STIM2: variants seen among roughly 807,000 people sequenced by gnomAD.
STIM2 encodes the protein stromal interaction molecule 2.
A neutral mutation model predicts 85.8 loss-of-function variants in STIM2; 31 were observed. That is an observed-to-expected ratio of 0.36 (90% CI 0.27 to 0.49). The LOEUF (loss-of-function observed/expected upper bound fraction) is 0.49, where lower values mean the gene tolerates loss of function less well. STIM2 is among the 20% of genes least tolerant of loss of function. The probability of loss-of-function intolerance (pLI) is 0.98; values close to 1 mark genes in which losing one functional copy is unlikely to be tolerated. For synonymous variants in STIM2, 356 were observed against 331.1 expected (o/e 1.08, Z -0.82); for missense variants, 841 against 927.6 (o/e 0.91, Z 1.21).
In STIM2 at chr4:26,922,027, A is replaced by C. The variant is rs139888132; in HGVS notation, c.282+2393A>C. Among the ~76,000 whole-genome samples the C allele has an allele frequency of 2.7e-3, 407 of 152,320 alleles. 2 individuals are homozygous for C. The highest frequency in any genetic ancestry group is 9.5e-3 in the African/African-American group (395 of 41,566). On this transcript the variant is annotated intron_variant, in intron 2 of 11. Coordinates refer to ENST00000467087, the MANE Select transcript of STIM2 (RefSeq NM_020860.4). ...TTCTATCTTACATAGCTTCCAACTT[A>C]AAAAGTATTTGAACTGTATATTCTG...
chr4:26,987,410 G>T (rs1051726063), intron 3 of STIM2, among the ~76,000 whole-genome samples: 1 of 152,136 alleles, frequency 6.6e-6, no homozygotes, highest in Non-Finnish European at 1.5e-5. Flanking sequence ...AGCAGCATGG[G>T]TGAGGAGTAA....
chr4:27,007,031 G>A (rs1202300820), intron 7 of STIM2, among the ~76,000 whole-genome samples: 1 of 152,206 alleles, frequency 6.6e-6, no homozygotes, highest in African/African-American at 2.4e-5. Context: ...TAGTGAAGGA[G>A]CTACAGTAGG....
intron 2 of STIM2, among the ~76,000 whole-genome samples, chr4:26,935,580 G>A (rs961024343): frequency 2.0e-5 from 3 of 152,126 alleles, no homozygotes; most frequent in Non-Finnish European, 2.9e-5. Context: ...TGTTAGAAAT[G>A]CAAATTCTTG....
intron 3 of STIM2, among the ~76,000 whole-genome samples, chr4:26,962,402 A>T (rs976286335): frequency 7.2e-5 from 11 of 152,220 alleles, no homozygotes; most frequent in Admixed American, 7.2e-4. Context: ...TAAAATGAAC[A>T]GACTAAGCTA....
intron 3 of STIM2, among the ~76,000 whole-genome samples, chr4:26,963,897 A>G (rs752761305): frequency 2.0e-5 from 3 of 152,308 alleles, no homozygotes; most frequent in East Asian, 1.9e-4. Flanking sequence ...ATAATAATAA[A>G]CACTTTAAAA....
intron 10 of STIM2, among the ~76,000 whole-genome samples, chr4:27,016,010 T>G (rs1728720339): frequency 6.6e-6 from 1 of 152,092 alleles, no homozygotes; most frequent in Non-Finnish European, 1.5e-5. Context: ...CTTTTTATAG[T>G]CTTTTGATCT....
chr4:26,880,667 G>GTAAATATATATATAAATATATATA (rs1256792988), intron 1 of STIM2, among the ~76,000 whole-genome samples: 1 of 144,546 alleles, frequency 6.9e-6, no homozygotes, highest in African/African-American at 2.5e-5. Flanking sequence ...AAATATATAT[G>GTAAATATATATATAAATATATATA]TAAATATATA....
At chr4:26,989,790 A>G (rs1449303227) in intron 3 of STIM2, among the ~76,000 whole-genome samples, 1 of 152,200 alleles carries the variant, frequency 6.6e-6, no homozygotes, top group Admixed American at 6.5e-5. Context: ...TCAACCTACA[A>G]AAGGCAGTAG....
At chr4:26,990,242 C>G (rs367725735) in intron 3 of STIM2, among the ~76,000 whole-genome samples, 1 of 152,104 alleles carries the variant, frequency 6.6e-6, no homozygotes, top group South Asian at 2.1e-4. Context: ...ATCATGGTAC[C>G]GGCATAAAAA....
chr4:26,882,459 TTTTG>T (rs1723050148), intron 1 of STIM2, among the ~76,000 whole-genome samples: 1 of 151,622 alleles, frequency 6.6e-6, no homozygotes, highest in South Asian at 2.1e-4. Context: ...CTTTCTTTTT[TTTTG>T]TTTTTGTTTT....
intron 1 of STIM2, among the ~76,000 whole-genome samples, chr4:26,887,598 G>A (rs1310476357): frequency 6.6e-6 from 1 of 152,128 alleles, no homozygotes; most frequent in African/African-American, 2.4e-5. Flanking sequence ...GGTTCTAGAT[G>A]TATCCTTTGA....
chr4:26,997,949 T>C (rs1041674036), intron 4 of STIM2, among the ~76,000 whole-genome samples: 1 of 152,212 alleles, frequency 6.6e-6, no homozygotes, highest in African/African-American at 2.4e-5. Flanking sequence ...ATACAAAATG[T>C]AGTGTTTCAA....
chr4:26,986,256 A>G (rs1292451859), intron 3 of STIM2, among the ~76,000 whole-genome samples: 1 of 152,222 alleles, frequency 6.6e-6, no homozygotes, highest in Non-Finnish European at 1.5e-5. Context: ...CCAAGTGCTC[A>G]CAAAATGTTT....
At chr4:26,866,960 G>A (rs1055143959) in intron 1 of STIM2, among the ~76,000 whole-genome samples, 2 of 152,184 alleles carry the variant, frequency 1.3e-5, no homozygotes, top group African/African-American at 2.4e-5. Flanking sequence ...GAGGTGAGAG[G>A]CATTGTGGTT....
chr4:26,977,831 G>A (rs947456520), intron 3 of STIM2, among the ~76,000 whole-genome samples: 55 of 152,160 alleles, frequency 3.6e-4, no homozygotes, highest in African/African-American at 1.3e-3. Flanking sequence ...AGGACTGAGT[G>A]CTGTGAGGTC....
At chr4:27,002,873 A>AC in intron 6 of STIM2, 54 bp from the exon 7 acceptor site, 1 of 1,430,454 alleles carries the variant, frequency 7.0e-7, no homozygotes. Context: ...TTTTGTAAAA[A>AC]AAAATAAAAC....
At chr4:26,961,189 T>G (rs1426803346) in intron 3 of STIM2, among the ~76,000 whole-genome samples, 1 of 152,132 alleles carries the variant, frequency 6.6e-6, no homozygotes, top group Non-Finnish European at 1.5e-5. Context: ...AAGGGCAAAG[T>G]GCATGAAGAT....
Position 26,910,234 on chromosome 4 carries a change from A to T in STIM2, c.152-9270A>T, listed in dbSNP as rs556276090. ...AGTATAAAACAGTAGAGAAAATTAGAAAGCCGGCTGGTCACGGTGGCTCAC... is the reference window on the plus strand; with the variant it reads ...AGTATAAAACAGTAGAGAAAATTAGTAAGCCGGCTGGTCACGGTGGCTCAC... On this transcript the variant is annotated intron_variant, in intron 1 of 11. Coordinates refer to ENST00000467087, the MANE Select transcript of STIM2 (RefSeq NM_020860.4). Among the ~76,000 whole-genome samples, 8 of 152,276 alleles carry T rather than the reference A, an allele frequency of 5.3e-5. No individual in the cohort carries two copies. In the South Asian group the frequency reaches 1.7e-3, roughly 32 times the overall value.
intron 2 of STIM2, among the ~76,000 whole-genome samples, chr4:26,945,320 T>G (rs1725778658): frequency 6.6e-6 from 1 of 152,322 alleles, no homozygotes; most frequent in Non-Finnish European, 1.5e-5. Flanking sequence ...GTAAATGTAC[T>G]GCATTTTCTT....
Sources: allele counts gnomAD v4.1 joint callset (sites outside exome capture counted in the v4.1 genomes callset), GRCh38; gene constraint gnomAD v4.1.1; transcripts MANE v1.5; gene names NCBI Gene and HGNC (gene_info 2026-07-23, HGNC 2026-07-21).